Variants in SNRNP200 observed in about 807,000 individuals in gnomAD.
The protein encoded by SNRNP200 is small nuclear ribonucleoprotein U5 subunit 200.
SNRNP200 carries 66 observed loss-of-function variants against 255.2 expected under a neutral mutation model. The observed-to-expected ratio is 0.26, with a 90% CI of 0.21 to 0.32. SNRNP200 has a LOEUF of 0.32. SNRNP200 is among the 10% of genes least tolerant of loss of function. The pLI, the probability that SNRNP200 is intolerant of heterozygous loss-of-function variation, is 1.00. For missense variants in SNRNP200, 1,585 were observed against 2,749.8 expected (o/e 0.58, Z 9.47); for synonymous variants, 939 against 1,027.8 (o/e 0.91, Z 1.65).
In SNRNP200 at chr2:96,283,286, C is replaced by T; in HGVS notation, c.4830G>A (p.Lys1610=). 6.2e-7 allele frequency: 1 copy of T among 1,614,124 alleles called. No homozygotes were observed. Among genetic ancestry groups the T allele is most frequent in the Non-Finnish European group, 8.5e-7 (1 of 1,180,034 alleles). Residue 1610 remains lysine (K), a synonymous_variant, in exon 34 of 45, where the codon AAG becomes AAA. Coordinates refer to ENST00000323853, the MANE Select transcript of SNRNP200 (RefSeq NM_014014.5). The surrounding 1 kb of genome is among the most constrained non-coding windows in gnomAD (Gnocchi z 4.7). The stretch of plus-strand genomic sequence containing the variant: ...AGCCCACCCCATTTAGCAGCGTTTC[C>T]TTGAGCGTGCTGTCACTTAGCTTCT... The part of the protein sequence containing the change: ...YLEKLSDSTL[K]ETLLNGVGYL...
chr2:96,296,388 A>C, intron 13 of SNRNP200, 148 bp downstream of exon 13: 1 of 807,400 alleles, frequency 1.2e-6, no homozygotes, highest in Non-Finnish European at 2.0e-6. Context: ...TCCATCTTGG[A>C]AATGGGGAGA....
Position 96,284,015 on chromosome 2 carries a change from G to A in SNRNP200, c.4393-11C>T, listed in dbSNP as rs1164382202. 2.0e-6 allele frequency: 3 copies of A among 1,484,954 alleles called. No individual in the cohort carries two copies. The highest frequency in any genetic ancestry group is 2.4e-5 in the South Asian group (2 of 84,066). 92.0% of individuals were successfully genotyped at this position (1,484,954 alleles called of 1,614,324 possible). A position where few individuals can be genotyped will look rare whatever the true frequency, so the allele number is the denominator to read the frequency against. ...CACTTCTAAGACAGGCTGGAAAGAG[G>A]GAGGGAGGGAGGGTCACTGCAGGCC... is the stretch of plus-strand genomic sequence containing the variant. On this transcript the variant is annotated splice_polypyrimidine_tract_variant and intron_variant, in intron 31 of 44. Coordinates refer to ENST00000323853, the MANE Select transcript of SNRNP200 (RefSeq NM_014014.5).
At position 96,279,435 on chromosome 2, in the gene SNRNP200, T is replaced by G; in HGVS notation, c.5133+16A>C. On this transcript the variant is annotated intron_variant, in intron 36 of 44. Transcript: ENST00000323853. Reference sequence around the variant, plus strand: ...GAGGCTACGGATCCAAGAGGCTCCATGAGTCTAGGACTGACCTTCTTGGAG... The same window carrying G: ...GAGGCTACGGATCCAAGAGGCTCCAGGAGTCTAGGACTGACCTTCTTGGAG... 2 of 1,530,524 alleles carry G rather than the reference T, an allele frequency of 1.3e-6. No homozygotes were observed. The highest frequency in any genetic ancestry group is 1.8e-6 in the Non-Finnish European group (2 of 1,103,978). The allele number at this position is 1,530,524 out of a possible 1,614,324, so 94.8% of individuals were successfully genotyped here.
At position 96,288,970 on chromosome 2, in the gene SNRNP200, T is replaced by C. The variant is rs1268498138; in HGVS notation, c.3174+67A>G. Reference sequence around the variant, plus strand: ...CACATGAACCCAAATTCAAGGTTCATCTTTTAGAAGATTATGAAAACCACT... The same window carrying C: ...CACATGAACCCAAATTCAAGGTTCACCTTTTAGAAGATTATGAAAACCACT... On this transcript the variant is annotated intron_variant, in intron 23 of 44. Transcript: ENST00000323853. 43 of 1,446,298 alleles carry C rather than the reference T, an allele frequency of 3.0e-5. No homozygotes were observed. In the Middle Eastern group the frequency reaches 5.2e-4, roughly 17 times the overall value. The allele number at this position is 1,446,298 out of a possible 1,614,324, so 89.6% of individuals were successfully genotyped here.
chr2:96,290,229 G>T lies in SNRNP200; in HGVS notation c.2742+97C>A. 1.5e-6 allele frequency: 2 copies of T among 1,348,570 alleles called. No homozygotes were observed. Among genetic ancestry groups the T allele is most frequent in the Middle Eastern group, 2.5e-4 (1 of 3,936 alleles). 83.5% of individuals were successfully genotyped at this position (1,348,570 alleles called of 1,614,324 possible). On this transcript the variant is annotated intron_variant, in intron 20 of 44. Coordinates refer to ENST00000323853, the MANE Select transcript of SNRNP200 (RefSeq NM_014014.5). The surrounding 1 kb of genome is among the most constrained non-coding windows in gnomAD (Gnocchi z 4.5). ...GTGGGTGCAGGGATGGAAGGCCTCGGACGCTGCTGGCCCGCAGCACAATAG... is the reference window on the plus strand; with the variant it reads ...GTGGGTGCAGGGATGGAAGGCCTCGTACGCTGCTGGCCCGCAGCACAATAG...
At chr2:96,275,802 A>C (rs1033230611) in intron 43 of SNRNP200, among the ~76,000 whole-genome samples, 20 of 152,364 alleles carry the variant, frequency 1.3e-4, no homozygotes, top group Admixed American at 1.1e-3. Flanking sequence ...GGAGATCGAG[A>C]CCATACTGGC....
At position 96,298,165 on chromosome 2, in the gene SNRNP200, A is replaced by G. The variant is rs376682792; in HGVS notation, c.1119+119T>C. Reference sequence around the variant, plus strand: ...TAACCTGTATGCACTGATAAACCCCAAAGAATTTAGGAAATTACTTTTTCA... The same window carrying G: ...TAACCTGTATGCACTGATAAACCCCGAAGAATTTAGGAAATTACTTTTTCA... On this transcript the variant is annotated intron_variant, in intron 9 of 44. Transcript: ENST00000323853. The G allele has an allele frequency of 2.5e-4, 378 of 1,483,190 alleles. 1 individual carries two copies. In the East Asian group the frequency reaches 5.6e-3, roughly 22 times the overall value. The allele number at this position is 1,483,190 out of a possible 1,614,324, so 91.9% of individuals were successfully genotyped here.
In SNRNP200 at chr2:96,287,928, C is replaced by T; in HGVS notation, c.3300G>A (p.Leu1100=). The T allele has an allele frequency of 6.2e-7, 1 of 1,614,184 alleles. No homozygotes were observed. Among genetic ancestry groups the T allele is most frequent in the Non-Finnish European group, 8.5e-7 (1 of 1,180,026 alleles). Residue 1100 remains leucine, a synonymous_variant, in exon 25 of 45, where the codon CTG becomes CTA. Transcript: ENST00000323853. This position sits in a 1 kb window ranked among gnomAD's most constrained non-coding sequence, Gnocchi z 5.7. ...CTGTAAGCTGTGCCCAACCTCGGTT[C>T]AGGACAATTTCAAATATCGCTCGCA... The part of the protein sequence containing the change: ...RLMRAIFEIV[L]NRGWAQLTDK...
Position 96,287,035 on chromosome 2 carries a change from T to A in SNRNP200, c.3610A>T (p.Ile1204Phe), listed in dbSNP as rs1442497662. The A allele has an allele frequency of 6.2e-7, 1 of 1,614,156 alleles. No individual in the cohort carries two copies. Among genetic ancestry groups the A allele is most frequent in the South Asian group, 1.1e-5 (1 of 91,080 alleles). Residue 1204 changes from isoleucine to phenylalanine, a missense_variant, in exon 27 of 45, where the codon ATC becomes TTC. By Grantham distance (21) the Ile-to-Phe change is conservative (BLOSUM62 0). Coordinates refer to ENST00000323853, the MANE Select transcript of SNRNP200 (RefSeq NM_014014.5). The surrounding 1 kb of genome is among the most constrained non-coding windows in gnomAD (Gnocchi z 5.7). ...TCATCCCACTGGAAGTCTGGCGTGA[T>A]GGTCAGCTCCACCTTCAGGGTGGAG... is the stretch of plus-strand genomic sequence containing the variant. ...TRSTLKVELT[I>F]TPDFQWDEKV... is the part of the protein sequence containing the mutation.
rs11538637 is a variant in SNRNP200 at position 96,283,960 on chromosome 2, G to A, written c.4437C>T (p.Ser1479=). 1 of 1,600,856 alleles carries A rather than the reference G, an allele frequency of 6.2e-7. No individual in the cohort carries two copies. The highest frequency in any genetic ancestry group is 1.3e-5 in the African/African-American group (1 of 74,602). Residue 1479 remains serine (S), a synonymous_variant, in exon 32 of 45, where the codon TCC becomes TCT. Transcript: ENST00000323853. The surrounding 1 kb of genome is among the most constrained non-coding windows in gnomAD (Gnocchi z 4.7). Reference sequence around the variant, plus strand: ...CAATGCGAATGGGCCGCTCAATCTGGGAGGAGATGTAGCGCATTCGGGAGC... The same window carrying A: ...CAATGCGAATGGGCCGCTCAATCTGAGAGGAGATGTAGCGCATTCGGGAGC... The part of the protein sequence containing the change: ...VICSRMRYIS[S]QIERPIRIVA...
At chr2:96,305,210 T>C (rs2063979975) in intron 1 of SNRNP200, among the ~76,000 whole-genome samples, 183 bp downstream of exon 1, 1 of 152,124 alleles carries the variant, frequency 6.6e-6, no homozygotes, top group African/African-American at 2.4e-5. Flanking sequence ...AGAGAGATCT[T>C]AGCGCTCCCC....
rs770852802 is a variant in SNRNP200 at position 96,287,390 on chromosome 2, G to A, written c.3484+49C>T. On this transcript the variant is annotated intron_variant, in intron 26 of 44. Coordinates refer to ENST00000323853, the MANE Select transcript of SNRNP200 (RefSeq NM_014014.5). The surrounding 1 kb of genome is among the most constrained non-coding windows in gnomAD (Gnocchi z 5.7). Reference sequence around the variant, plus strand: ...AACAGGAAGACTACATAGGCAAACTGGGAGAGACACCCAGGCAGTGAGGAC... The same window carrying A: ...AACAGGAAGACTACATAGGCAAACTAGGAGAGACACCCAGGCAGTGAGGAC... The A allele has an allele frequency of 7.2e-7, 1 of 1,392,634 alleles. No individual in the cohort carries two copies. The highest frequency in any genetic ancestry group is 1.2e-5 in the South Asian group (1 of 86,592). 86.3% of individuals were successfully genotyped at this position (1,392,634 alleles called of 1,614,324 possible).
chr2:96,284,136 T>A, intron 31 of SNRNP200, 132 bp from the exon 32 acceptor site: 1 of 978,562 alleles, frequency 1.0e-6, no homozygotes, highest in Non-Finnish European at 1.6e-6. Context: ...CTCTCATGTG[T>A]TTGGTTCTAC....
intron 16 of SNRNP200, 144 bp from the exon 17 acceptor site, chr2:96,292,044 G>A: frequency 1.1e-6 from 1 of 902,808 alleles, no homozygotes; most frequent in Non-Finnish European, 1.8e-6. Context: ...AGGCTCAGAG[G>A]AAGCCTAAAC....
rs773685067 is a variant in SNRNP200 at position 96,291,511 on chromosome 2, C to G, written c.2311-9G>C. On this transcript the variant is annotated splice_polypyrimidine_tract_variant and intron_variant, in intron 17 of 44. Coordinates refer to ENST00000323853, the MANE Select transcript of SNRNP200 (RefSeq NM_014014.5). The surrounding 1 kb of genome is among the most constrained non-coding windows in gnomAD (Gnocchi z 4.2). ...TCCTTCAGCTCTAGGTTCTGTGGAA[C>G]AAAGAACCGGGGATGAGGCGAGCCT... 5 of 1,582,484 alleles carry G rather than the reference C, an allele frequency of 3.2e-6. No individual in the cohort carries two copies. The highest frequency in any genetic ancestry group is 4.3e-6 in the Non-Finnish European group (5 of 1,151,420).
chr2:96,298,207 T>C, intron 9 of SNRNP200, 77 bp downstream of exon 9: 2 of 1,599,018 alleles, frequency 1.3e-6, no homozygotes, highest in Non-Finnish European at 1.7e-6. Flanking sequence ...ACTTTTAACA[T>C]GAATTTAGCT....
intron 35 of SNRNP200, among the ~76,000 whole-genome samples, chr2:96,281,019 C>T (rs1684751224): frequency 6.6e-6 from 1 of 151,680 alleles, no homozygotes; most frequent in Non-Finnish European, 1.5e-5. Flanking sequence ...ATAACAGGCA[C>T]CTGCCATCAA....
chr2:96,278,796 C>T lies in SNRNP200; in HGVS notation c.5323+13G>A. On this transcript the variant is annotated intron_variant, in intron 37 of 44. Transcript: ENST00000323853. This position sits in a 1 kb window ranked among gnomAD's most constrained non-coding sequence, Gnocchi z 6.9. The stretch of plus-strand genomic sequence containing the variant: ...ACCACCAAAGGATCACGTGTGCTCC[C>T]AAGCCCACTGACCCTGCAGGTTGTA... The T allele has an allele frequency of 6.2e-7, 1 of 1,614,160 alleles. No homozygotes were observed. Among genetic ancestry groups the T allele is most frequent in the Non-Finnish European group, 8.5e-7 (1 of 1,180,004 alleles).
chr2:96,287,875 A>G lies in SNRNP200; in HGVS notation c.3353T>C (p.Ile1118Thr). ...ACTGGGTCCTTACATGCGTTTGTCG[A>G]TCATCTTGCAGAGGTTCAGGGTCTT... Reference protein sequence around the residue: ...TDKTLNLCKMIDKRMWQSMCP... With the variant: ...TDKTLNLCKMTDKRMWQSMCP... Residue 1118 changes from isoleucine to threonine, a missense_variant, in exon 25 of 45, where the codon ATC becomes ACC. This residue lies in a region of SNRNP200 where 719 missense variants were observed against 1,091.1 expected (regional missense o/e 0.66). Coordinates refer to ENST00000323853, the MANE Select transcript of SNRNP200 (RefSeq NM_014014.5). This position sits in a 1 kb window ranked among gnomAD's most constrained non-coding sequence, Gnocchi z 5.7. 1 of 1,614,178 alleles carries G rather than the reference A, an allele frequency of 6.2e-7. No homozygotes were observed. The highest frequency in any genetic ancestry group is 8.5e-7 in the Non-Finnish European group (1 of 1,179,990).
Sources: allele counts gnomAD v4.1 joint callset (sites outside exome capture counted in the v4.1 genomes callset), GRCh38; gene constraint gnomAD v4.1.1; regional missense constraint gnomAD v4.1.1; non-coding constraint Gnocchi (gnomAD v3.1); transcripts MANE v1.5; gene names NCBI Gene and HGNC (gene_info 2026-07-23, HGNC 2026-07-21).